KLF12: variants seen among roughly 807,000 people sequenced by gnomAD.
The protein encoded by KLF12 is Krueppel-like factor 12.
A neutral mutation model predicts 37.8 loss-of-function variants in KLF12; 9 were observed. The ratio of observed to expected loss-of-function variants is 0.24; its 90% CI spans 0.14 to 0.42. The LOEUF (loss-of-function observed/expected upper bound fraction) is 0.42, where lower values mean the gene tolerates loss of function less well. KLF12 is among the 10% of genes least tolerant of loss of function. The pLI is 1.00. For missense variants in KLF12, 411 were observed against 516.0 expected (o/e 0.80, Z 1.97); for synonymous variants, 208 against 202.1 (o/e 1.03, Z -0.25).
intron 5 of KLF12, chr13:73,800,593 A>C (rs563963268): frequency 6.6e-6 from 1 of 152,154 alleles, no homozygotes; most frequent in Non-Finnish European, 1.5e-5. Context: ...GATTTCATTC[A>C]CATTAATTAA....
In KLF12 at chr13:73,943,472, G is replaced by A. The variant is rs574393453; in HGVS notation, c.123+509C>T. 3.9e-5 allele frequency among the ~76,000 whole-genome samples: 6 copies of A among 151,988 alleles called. No individual in the cohort carries two copies. In the South Asian group the frequency reaches 1.2e-3, roughly 32 times the overall value. On this transcript the variant is annotated intron_variant, in intron 3 of 7. Transcript: ENST00000377669. ...TGTACTGTTAAATAATCTTTCTTTCGCTTTTAGAAATTTTTCAAATTCAGT... is the reference window on the plus strand; with the variant it reads ...TGTACTGTTAAATAATCTTTCTTTCACTTTTAGAAATTTTTCAAATTCAGT...
At chr13:74,128,970 TATAAAG>T (rs1878107176) in intron 1 of KLF12, among the ~76,000 whole-genome samples, 2 of 152,092 alleles carry the variant, frequency 1.3e-5, no homozygotes, top group Non-Finnish European at 2.9e-5. Flanking sequence ...TGTAAAAACA[TATAAAG>T]ATAAATACTA....
At chr13:73,999,703 A>G (rs9600215) in intron 1 of KLF12, among the ~76,000 whole-genome samples, 11,847 of 152,130 alleles carry the variant, frequency 0.078, 711 homozygotes, top group African/African-American at 0.17. Context: ...TCGCTCCGCT[A>G]CACTCCAGCC....
chr13:73,713,462 A>G (rs893716802), intron 7 of KLF12, among the ~76,000 whole-genome samples: 4 of 152,250 alleles, frequency 2.6e-5, no homozygotes, highest in African/African-American at 7.2e-5. Flanking sequence ...TAAAATACAC[A>G]TAAGTATGCA....
intron 2 of KLF12, among the ~76,000 whole-genome samples, chr13:73,978,392 A>T (rs1313984170): frequency 6.6e-6 from 1 of 152,202 alleles, no homozygotes; most frequent in Admixed American, 6.5e-5. Context: ...GGGAAATGCA[A>T]ATTAAAGCAA....
rs1293818318 is a variant in KLF12, at chr13:73,794,476, A to G, written c.806+18676T>C. 6.6e-5 allele frequency among the ~76,000 whole-genome samples: 10 copies of G among 152,202 alleles called. No individual in the cohort carries two copies. The East Asian group carries it at 1.7e-3, about 26-fold the overall frequency. The stretch of plus-strand genomic sequence containing the variant: ...CCCTGTCTCAAAAGATACAAATAAA[A>G]TAATAAGGTTACGAATACATAATTA... On this transcript the variant is annotated intron_variant, in intron 5 of 7. Transcript: ENST00000377669.
chr13:74,292,586 A>G, the KLF12 span, among the ~76,000 whole-genome samples: 127,151 of 152,006 alleles, frequency 0.84, 53,971 homozygotes, highest in Non-Finnish European at 0.91. Flanking sequence ...AGGCCATACT[A>G]ACCTTCTTGC....
At chr13:73,842,176 C>T (rs1330891504) in intron 4 of KLF12, among the ~76,000 whole-genome samples, 1 of 152,168 alleles carries the variant, frequency 6.6e-6, no homozygotes, top group Non-Finnish European at 1.5e-5. Flanking sequence ...TTTCACCCCA[C>T]CCCTTCCCAA....
the KLF12 span, chr13:74,259,462 C>G: frequency 6.6e-6 from 1 of 152,172 alleles, no homozygotes; most frequent in Non-Finnish European, 1.5e-5. Flanking sequence ...GGTGTTTCTT[C>G]CACTTGGAAT....
intron 4 of KLF12, among the ~76,000 whole-genome samples, chr13:73,835,066 CTTT>C (rs57370625): frequency 1.4e-5 from 2 of 142,822 alleles, no homozygotes; most frequent in Non-Finnish European, 1.5e-5. Flanking sequence ...GAAGTTAAAC[CTTT>C]TTTTTTTTTT....
chr13:74,203,575 A>G, the KLF12 span, among the ~76,000 whole-genome samples: 3 of 152,114 alleles, frequency 2.0e-5, no homozygotes, highest in Non-Finnish European at 2.9e-5. Context: ...TGCCATTGAG[A>G]TGTATCATGG....
At chr13:73,963,112 C>T (rs752834767) in intron 2 of KLF12, among the ~76,000 whole-genome samples, 2 of 151,932 alleles carry the variant, frequency 1.3e-5, no homozygotes, top group African/African-American at 4.8e-5. Context: ...TTTCCCCTAG[C>T]AGTAAAGAAA....
intron 6 of KLF12, among the ~76,000 whole-genome samples, chr13:73,747,313 A>T (rs1878441172): frequency 6.6e-6 from 1 of 152,180 alleles, no homozygotes; most frequent in Admixed American, 6.6e-5. Context: ...CAAAGAGGTG[A>T]GTGTTTTAGC....
At chr13:73,966,318 T>TC (rs894104746) in intron 2 of KLF12, among the ~76,000 whole-genome samples, 6 of 152,282 alleles carry the variant, frequency 3.9e-5, no homozygotes, top group African/African-American at 1.4e-4. Context: ...TACTTTTCTC[T>TC]CTGTTTTCTG....
chr13:74,084,519 T>C (rs1875135147), intron 1 of KLF12, among the ~76,000 whole-genome samples: 1 of 152,208 alleles, frequency 6.6e-6, no homozygotes, highest in Admixed American at 6.5e-5. Context: ...TTTACCATGA[T>C]AGCGGCAAAT....
At chr13:74,215,448 T>TTTC in the KLF12 span, among the ~76,000 whole-genome samples, 1 of 149,188 alleles carries the variant, frequency 6.7e-6, no homozygotes, top group Non-Finnish European at 1.5e-5. Flanking sequence ...TTTTTTTTTT[T>TTTC]TTTTCCAGGA....
At chr13:73,906,002 A>C (rs1168937204) in intron 3 of KLF12, among the ~76,000 whole-genome samples, 1 of 152,186 alleles carries the variant, frequency 6.6e-6, no homozygotes, top group African/African-American at 2.4e-5. Context: ...TCATTTGATT[A>C]CACTGGAGTT....
intron 1 of KLF12, among the ~76,000 whole-genome samples, chr13:74,050,716 C>T (rs1317829117): frequency 1.3e-5 from 2 of 152,146 alleles, no homozygotes; most frequent in Non-Finnish European, 2.9e-5. Context: ...CAAACATCAA[C>T]AAATGAAATT....
intron 6 of KLF12, among the ~76,000 whole-genome samples, chr13:73,726,755 G>T (rs1876698062): frequency 1.3e-5 from 2 of 152,274 alleles, no homozygotes; most frequent in African/African-American, 4.8e-5. Context: ...TAAACATTGT[G>T]AACAGTTTTT....
Sources: allele counts gnomAD v4.1 joint callset (sites outside exome capture counted in the v4.1 genomes callset), GRCh38; gene constraint gnomAD v4.1.1; transcripts MANE v1.5; gene names NCBI Gene and HGNC (gene_info 2026-07-23, HGNC 2026-07-21).